Variants in CAPN1 observed in about 807,000 individuals in gnomAD.
CAPN1 encodes the protein calpain-1 catalytic subunit.
Under a neutral mutation model 105.2 loss-of-function variants are expected in CAPN1, and 77 were observed. The ratio of observed to expected loss-of-function variants is 0.73; its 90% confidence interval spans 0.61 to 0.88. The LOEUF is 0.88. Ranked by LOEUF, CAPN1 falls within the 40% of genes least tolerant of loss-of-function variation. CAPN1 has a pLI of 0.00. For missense variants in CAPN1, 833 were observed against 976.6 expected (o/e 0.85, Z 1.96); for synonymous variants, 355 against 388.8 (o/e 0.91, Z 1.02).
intron 10 of CAPN1, among the ~76,000 whole-genome samples, chr11:65,197,164 T>C (rs142979773): frequency 2.1e-3 from 318 of 152,336 alleles, no homozygotes; most frequent in Non-Finnish European, 3.8e-3. Context: ...GGGGGATTGT[T>C]CTATAATTGT....
intron 10 of CAPN1, among the ~76,000 whole-genome samples, chr11:65,199,468 T>G (rs1948837332): frequency 6.6e-6 from 1 of 152,242 alleles, no homozygotes; most frequent in African/African-American, 2.4e-5. Flanking sequence ...TATGAATTGA[T>G]ACCTTTCAAC....
In CAPN1 at chr11:65,188,847, G is replaced by A; in HGVS notation, c.1165+101G>A. On this transcript the variant is annotated intron_variant, in intron 10 of 21. Transcript: ENST00000279247. This position sits in a 1 kb window ranked among gnomAD's most constrained non-coding sequence, Gnocchi z 5.5. ...TCCGTTTCCTCACTTGCAAGATATA[G>A]GCTGATCTCTTGAATTTGCTTTGAG... 1.0e-6 allele frequency: 1 copy of A among 966,690 alleles called. No individual in the cohort carries two copies. The highest frequency in any genetic ancestry group is 2.6e-5 in the East Asian group (1 of 38,110). 59.9% of individuals were successfully genotyped at this position (966,690 alleles called of 1,614,324 possible).
Position 65,211,920 on chromosome 11 carries a change from G to A in CAPN1, c.*634G>A, listed in dbSNP as rs113190363. 324 of 152,944 alleles carry A rather than the reference G, an allele frequency of 2.1e-3. 1 individual carries two copies. The highest frequency in any genetic ancestry group is 6.9e-3 in the African/African-American group (287 of 41,588). 9.5% of individuals were successfully genotyped at this position (152,944 alleles called of 1,614,324 possible). A position where few individuals can be genotyped will look rare whatever the true frequency, so the allele number is the denominator to read the frequency against. ...GGACTTGTGTACTGGTTATGGGGGT[G>A]CCAGAGGCACTAGGCTTGGGGTGGG... On this transcript the variant is annotated 3_prime_UTR_variant, in exon 22 of 22. Coordinates refer to ENST00000279247, the MANE Select transcript of CAPN1 (RefSeq NM_005186.4).
chr11:65,210,206 A>C lies in CAPN1; in HGVS notation c.1942+110A>C. The stretch of plus-strand genomic sequence containing the variant: ...TGCTAGTGGTGACATGGTAACAGCC[A>C]TCTTGTCCTTTTCCCCACGGTTACT... On this transcript the variant is annotated intron_variant, in intron 19 of 21. Transcript: ENST00000279247. This position sits in a 1 kb window ranked among gnomAD's most constrained non-coding sequence, Gnocchi z 4.3. 1 of 1,161,148 alleles carries C rather than the reference A, an allele frequency of 8.6e-7. No individual in the cohort carries two copies. Among genetic ancestry groups the C allele is most frequent in the South Asian group, 1.3e-5 (1 of 79,538 alleles). 71.9% of individuals were successfully genotyped at this position (1,161,148 alleles called of 1,614,324 possible).
At position 65,188,187 on chromosome 11, in the gene CAPN1, T is replaced by A; in HGVS notation, c.929+147T>A. On this transcript the variant is annotated intron_variant, in intron 8 of 21. Transcript: ENST00000279247. The surrounding 1 kb of genome is among the most constrained non-coding windows in gnomAD (Gnocchi z 5.5). ...CGCGACTGGGTCTGGGGGACTGCTC[T>A]GACAAAGCTCAGGCCGTGCGGGCCC... 1.4e-6 allele frequency: 1 copy of A among 712,098 alleles called. No individual in the cohort carries two copies. 44.1% of individuals were successfully genotyped at this position (712,098 alleles called of 1,614,324 possible). A position where few individuals can be genotyped will look rare whatever the true frequency, so the allele number is the denominator to read the frequency against.
intron 10 of CAPN1, among the ~76,000 whole-genome samples, chr11:65,192,506 C>CT (rs1948731758): frequency 6.6e-6 from 1 of 152,020 alleles, no homozygotes; most frequent in Non-Finnish European, 1.5e-5. Flanking sequence ...GTCAGGCTTG[C>CT]TTTTTTCTTT....
chr11:65,204,947 G>T, intron 11 of CAPN1, 89 bp downstream of exon 11: 1 of 1,100,008 alleles, frequency 9.1e-7, no homozygotes, highest in Non-Finnish European at 1.3e-6. Context: ...TTCCACCAGG[G>T]GGCGCCAGGG....
chr11:65,191,427 T>C (rs1948717302), intron 10 of CAPN1, among the ~76,000 whole-genome samples: 2 of 152,340 alleles, frequency 1.3e-5, no homozygotes, highest in African/African-American at 4.8e-5. Flanking sequence ...TTCATCTGTA[T>C]GTATTTTTTG....
Position 65,188,307 on chromosome 11 carries a change from C to T in CAPN1, c.930-107C>T. Reference sequence around the variant, plus strand: ...ACCTTGGCGCTTGACCTTGAGGAGGCCACCTGGGCTGGGCCGGGGGAAGAC... The same window carrying T: ...ACCTTGGCGCTTGACCTTGAGGAGGTCACCTGGGCTGGGCCGGGGGAAGAC... On this transcript the variant is annotated intron_variant, in intron 8 of 21. Transcript: ENST00000279247. This position sits in a 1 kb window ranked among gnomAD's most constrained non-coding sequence, Gnocchi z 5.5. 1 of 1,018,016 alleles carries T rather than the reference C, an allele frequency of 9.8e-7. No individual in the cohort carries two copies. Among genetic ancestry groups the T allele is most frequent in the East Asian group, 2.6e-5 (1 of 38,482 alleles). The allele number at this position is 1,018,016 out of a possible 1,614,324, so 63.1% of individuals were successfully genotyped here.
At position 65,183,213 on chromosome 11, in the gene CAPN1, G is replaced by A. The variant is rs759433792; in HGVS notation, c.337+16G>A. 8.1e-6 allele frequency: 13 copies of A among 1,612,266 alleles called. No homozygotes were observed. The highest frequency in any genetic ancestry group is 3.3e-5 in the Admixed American group (2 of 60,016). ...GGAGCACTGGGTAGGCCCCCAGGGC[G>A]TCGGGTCCCGGGTATTTTTTCCACA... On this transcript the variant is annotated intron_variant, in intron 3 of 21. Transcript: ENST00000279247.
At position 65,210,499 on chromosome 11, in the gene CAPN1, C is replaced by A. The variant is rs745957761; in HGVS notation, c.2059+47C>A. 5.2e-6 allele frequency: 6 copies of A among 1,150,814 alleles called. No homozygotes were observed. The South Asian group carries it at 6.4e-5, about 12-fold the overall frequency. 71.3% of individuals were successfully genotyped at this position (1,150,814 alleles called of 1,614,324 possible). A position where few individuals can be genotyped will look rare whatever the true frequency, so the allele number is the denominator to read the frequency against. ...CCACCCTCCAGCTCCGTCCCAAACGCGTCCCCCAGGAGCTGGGGGGAATGA... is the reference window on the plus strand; with the variant it reads ...CCACCCTCCAGCTCCGTCCCAAACGAGTCCCCCAGGAGCTGGGGGGAATGA... On this transcript the variant is annotated intron_variant, in intron 20 of 21. Transcript: ENST00000279247. This position sits in a 1 kb window ranked among gnomAD's most constrained non-coding sequence, Gnocchi z 4.3.
chr11:65,209,765 G>C lies in CAPN1; in HGVS notation c.1795-84G>C. 7.3e-7 allele frequency: 1 copy of C among 1,368,090 alleles called. No homozygotes were observed. The allele number at this position is 1,368,090 out of a possible 1,614,324, so 84.7% of individuals were successfully genotyped here. On this transcript the variant is annotated intron_variant, in intron 17 of 21. Transcript: ENST00000279247. This position sits in a 1 kb window ranked among gnomAD's most constrained non-coding sequence, Gnocchi z 4.1. ...CAGCCCCAAGTCGACTTGCCGGCTC[G>C]GCGGCCATCTCCCCTTCTGCACAGT...
chr11:65,205,749 A>G, intron 12 of CAPN1, 28 bp downstream of exon 12: 1 of 1,610,272 alleles, frequency 6.2e-7, no homozygotes, highest in South Asian at 1.1e-5. Flanking sequence ...ACCCACCTGC[A>G]GTCACACACC....
chr11:65,184,437 A>G (rs1948601665), intron 4 of CAPN1, among the ~76,000 whole-genome samples: 2 of 144,922 alleles, frequency 1.4e-5, no homozygotes, highest in African/African-American at 5.0e-5. Context: ...CCCGCCACCC[A>G]CACTCTCCGC....
At position 65,209,393 on chromosome 11, in the gene CAPN1, C is replaced by T. The variant is rs754263973; in HGVS notation, c.1794+6C>T. 6.2e-7 allele frequency: 1 copy of T among 1,612,480 alleles called. No homozygotes were observed. Among genetic ancestry groups the T allele is most frequent in the Admixed American group, 1.7e-5 (1 of 59,806 alleles). Reference sequence around the variant, plus strand: ...GCATGGTGAACCTCATGGATGTATCCTTCCGTTTGCTTTTGTCTCCTGAGT... The same window carrying T: ...GCATGGTGAACCTCATGGATGTATCTTTCCGTTTGCTTTTGTCTCCTGAGT... On this transcript the variant is annotated splice_donor_region_variant and intron_variant, in intron 17 of 21. Transcript: ENST00000279247. This position sits in a 1 kb window ranked among gnomAD's most constrained non-coding sequence, Gnocchi z 4.1.
At chr11:65,195,144 C>T (rs1444060434) in intron 10 of CAPN1, among the ~76,000 whole-genome samples, 1 of 122,764 alleles carries the variant, frequency 8.1e-6, no homozygotes, top group Non-Finnish European at 1.6e-5. Flanking sequence ...GGATCTTGCT[C>T]TATCACCTAG....
In CAPN1 at chr11:65,183,498, T is replaced by A; in HGVS notation, c.362T>A (p.Ile121Asn). The change falls in exon 4 of 22, where the codon ATC becomes AAC. Residue 121 changes from isoleucine to asparagine, a missense_variant. By Grantham distance (149) the Ile-to-Asn change is moderately radical (BLOSUM62 -3). Transcript: ENST00000279247. ...ALGDCWLLAA[I>N]ASLTLNDTLL... ...GGGGACTGCTGGCTCTTGGCGGCCA[T>A]CGCCTCCCTCACTCTCAACGACACC... 6.2e-7 allele frequency: 1 copy of A among 1,613,752 alleles called. No individual in the cohort carries two copies. Among genetic ancestry groups the A allele is most frequent in the Non-Finnish European group, 8.5e-7 (1 of 1,179,704 alleles).
chr11:65,200,763 G>A (rs1000884776), intron 10 of CAPN1, among the ~76,000 whole-genome samples: 11 of 151,494 alleles, frequency 7.3e-5, no homozygotes, highest in African/African-American at 2.4e-4. Context: ...AAGTAGCTGG[G>A]ACTATGATAG....
In CAPN1 at chr11:65,209,686, A is replaced by T; in HGVS notation, c.1795-163A>T. On this transcript the variant is annotated intron_variant, in intron 17 of 21. Transcript: ENST00000279247. This position sits in a 1 kb window ranked among gnomAD's most constrained non-coding sequence, Gnocchi z 4.1. ...CCACTGCAGCCCAGCTCAGAGAATAAGGCAAGCCCGGCTGTGGGCTGACTG... is the reference window on the plus strand; with the variant it reads ...CCACTGCAGCCCAGCTCAGAGAATATGGCAAGCCCGGCTGTGGGCTGACTG... 1.4e-6 allele frequency: 1 copy of T among 724,030 alleles called. No homozygotes were observed. The highest frequency in any genetic ancestry group is 2.3e-6 in the Non-Finnish European group (1 of 425,832). The allele number at this position is 724,030 out of a possible 1,614,324, so 44.9% of individuals were successfully genotyped here.
Sources: allele counts gnomAD v4.1 joint callset (sites outside exome capture counted in the v4.1 genomes callset), GRCh38; gene constraint gnomAD v4.1.1; non-coding constraint Gnocchi (gnomAD v3.1); transcripts MANE v1.5; gene names NCBI Gene and HGNC (gene_info 2026-07-23, HGNC 2026-07-21).